RAB17: variants seen among roughly 807,000 people sequenced by gnomAD.
RAB17 encodes RAB17, member RAS oncogene family, also known as ras-related protein Rab-17.
A neutral mutation model predicts 19.3 loss-of-function variants in RAB17; 15 were observed. The ratio of observed to expected loss-of-function variants is 0.78; its 90% confidence interval spans 0.52 to 1.20. RAB17 has a LOEUF of 1.20. RAB17 is among the 50% of genes most tolerant of loss of function. The pLI is 0.00. For synonymous variants in RAB17, 110 were observed against 112.8 expected (o/e 0.97, Z 0.16); for missense variants, 262 against 269.3 (o/e 0.97, Z 0.19).
chr2:237,583,348 A>C (rs542649216), intron 2 of RAB17, among the ~76,000 whole-genome samples: 1 of 152,312 alleles, frequency 6.6e-6, no homozygotes, highest in South Asian at 2.1e-4. Context: ...CATAATGATA[A>C]TAATAAATTG....
At chr2:237,587,841 AAAAAAGAAAAG>A (rs1402605753) in intron 1 of RAB17, among the ~76,000 whole-genome samples, 1 of 136,368 alleles carries the variant, frequency 7.3e-6, no homozygotes, top group African/African-American at 3.3e-5. Flanking sequence ...TTAAAAAAAA[AAAAAAGAAAAG>A]AAAAAGAAAG....
Position 237,575,100 on chromosome 2 carries a change from C to T in RAB17, c.558G>A (p.Glu186=). 2 of 1,613,668 alleles carry T rather than the reference C, an allele frequency of 1.2e-6. No homozygotes were observed. Among genetic ancestry groups the T allele is most frequent in the Non-Finnish European group, 1.7e-6 (2 of 1,179,926 alleles). ...VAQELLQRSD[E]EGQALRGDAA... is the part of the protein sequence containing the mutation. ...CATCCCCCCGTAGAGCCTGGCCCTCCTCGTCGCTTCTCTGCAGTAGCTCTT... is the reference window on the plus strand; with the variant it reads ...CATCCCCCCGTAGAGCCTGGCCCTCTTCGTCGCTTCTCTGCAGTAGCTCTT... The change falls in exon 6 of 6, where the codon GAG becomes GAA. Residue 186 remains glutamate (E), a synonymous_variant. Transcript: ENST00000264601.
Position 237,586,208 on chromosome 2 carries a change from A to G in RAB17, c.-3-51T>C, listed in dbSNP as rs938327611. 6 of 1,529,720 alleles carry G rather than the reference A, an allele frequency of 3.9e-6. No homozygotes were observed. In the Admixed American group the frequency reaches 8.2e-5, roughly 21 times the overall value. The allele number at this position is 1,529,720 out of a possible 1,614,324, so 94.8% of individuals were successfully genotyped here. On this transcript the variant is annotated intron_variant, in intron 1 of 5. Transcript: ENST00000264601. ...GCAAGTGGAACATCGGAGCCACATC[A>G]TCTCAGCAAGCTCAACCCCGGGGCT...
In RAB17 at chr2:237,574,593, T is replaced by A; in HGVS notation, c.*426A>T. ...CTGGCACCACCACCTCCATCTGGCC[T>A]GCTCCCCAACCCCCCAGAAGCAGGT... On this transcript the variant is annotated 3_prime_UTR_variant, in exon 6 of 6. Coordinates refer to ENST00000264601, the MANE Select transcript of RAB17 (RefSeq NM_022449.4). The A allele has an allele frequency of 1.3e-6, 2 of 1,544,348 alleles. No individual in the cohort carries two copies. Among genetic ancestry groups the A allele is most frequent in the Non-Finnish European group, 1.7e-6 (2 of 1,143,536 alleles).
chr2:237,574,867 T>A lies in RAB17; in HGVS notation c.*152A>T. On this transcript the variant is annotated 3_prime_UTR_variant, in exon 6 of 6. Transcript: ENST00000264601. Reference sequence around the variant, plus strand: ...TCTTCCTCTGGCAGTTCCCACTGGCTGTGGGAAGTGGTTTTCATAAAGGGG... The same window carrying A: ...TCTTCCTCTGGCAGTTCCCACTGGCAGTGGGAAGTGGTTTTCATAAAGGGG... 1.2e-6 allele frequency: 1 copy of A among 806,280 alleles called. No homozygotes were observed. The highest frequency in any genetic ancestry group is 1.9e-6 in the Non-Finnish European group (1 of 538,386). The allele number at this position is 806,280 out of a possible 1,614,324, so 49.9% of individuals were successfully genotyped here. A position where few individuals can be genotyped will look rare whatever the true frequency, so the allele number is the denominator to read the frequency against.
Position 237,577,167 on chromosome 2 carries a change from G to A in RAB17, c.435+90C>T. On this transcript the variant is annotated intron_variant, in intron 4 of 5. Transcript: ENST00000264601. ...AGTGTGTGCGTGTGTGGGTGTGCGTGTATGAAAGTGTGAGTGCCAAGGTCT... is the reference window on the plus strand; with the variant it reads ...AGTGTGTGCGTGTGTGGGTGTGCGTATATGAAAGTGTGAGTGCCAAGGTCT... 3 of 1,485,350 alleles carry A rather than the reference G, an allele frequency of 2.0e-6. No homozygotes were observed. In the African/African-American group the frequency reaches 4.2e-5, roughly 21 times the overall value. 92.0% of individuals were successfully genotyped at this position (1,485,350 alleles called of 1,614,324 possible).
At chr2:237,590,410 C>G (rs2081386677) in intron 1 of RAB17, 57 bp downstream of exon 1, 1 of 152,404 alleles carries the variant, frequency 6.6e-6, no homozygotes, top group Non-Finnish European at 1.5e-5. Flanking sequence ...AGCAGAGACA[C>G]ACACACACAC....
Position 237,586,157 on chromosome 2 carries a change from C to A in RAB17, c.-3G>T. On this transcript the variant is annotated splice_region_variant and 5_prime_UTR_variant, in exon 2 of 6. Transcript: ENST00000264601. ...GGGGTCCTGTGTGCCTGTGCCATGC[C>A]CTGCAAAGAATCACAACCGTCTGAA... is the stretch of plus-strand genomic sequence containing the variant. 1.3e-6 allele frequency: 2 copies of A among 1,583,900 alleles called. No homozygotes were observed. The highest frequency in any genetic ancestry group is 1.7e-6 in the Non-Finnish European group (2 of 1,167,742).
At chr2:237,583,283 A>G (rs1193366666) in intron 2 of RAB17, among the ~76,000 whole-genome samples, 3 of 152,136 alleles carry the variant, frequency 2.0e-5, no homozygotes, top group South Asian at 2.1e-4. Flanking sequence ...GGTTCCAGTG[A>G]GACACTGCAC....
intron 4 of RAB17, 135 bp from the exon 5 acceptor site, chr2:237,575,615 T>A (rs1029075877): frequency 4.5e-6 from 3 of 671,228 alleles, no homozygotes; most frequent in Non-Finnish European, 2.6e-6. Flanking sequence ...GTGTCCAAGT[T>A]GTGTTTCTTG....
intron 2 of RAB17, 174 bp from the exon 3 acceptor site, chr2:237,578,329 G>A (rs185558777): frequency 4.9e-6 from 3 of 609,258 alleles, no homozygotes; most frequent in East Asian, 5.6e-5. Flanking sequence ...GGGAGATGGA[G>A]CCTTCCACAT....
intron 1 of RAB17, among the ~76,000 whole-genome samples, chr2:237,587,921 C>G (rs1420789697): frequency 2.6e-5 from 4 of 151,916 alleles, no homozygotes; most frequent in Admixed American, 6.6e-5. Flanking sequence ...CTAGGAATCA[C>G]TGCTAGAATT....
intron 2 of RAB17, 82 bp downstream of exon 2, chr2:237,585,916 G>A (rs763473200): frequency 7.0e-5 from 99 of 1,419,420 alleles, no homozygotes; most frequent in Non-Finnish European, 8.0e-5. Context: ...GGTGGGCCTC[G>A]TCCCCATCTG....
intron 1 of RAB17, 58 bp from the exon 2 acceptor site, chr2:237,586,215 C>T: frequency 5.3e-6 from 8 of 1,514,924 alleles, no homozygotes; most frequent in South Asian, 2.6e-5. Context: ...ATCATCTCAG[C>T]AAGCTCAACC....
intron 2 of RAB17, chr2:237,578,397 G>C (rs982695506): frequency 2.2e-6 from 1 of 450,064 alleles, no homozygotes; most frequent in Non-Finnish European, 4.0e-6. Flanking sequence ...TGGATGGGAA[G>C]ATAAATCTCT....
intron 2 of RAB17, among the ~76,000 whole-genome samples, chr2:237,581,373 T>TAA (rs78563937): frequency 2.0e-4 from 28 of 140,712 alleles, no homozygotes; most frequent in South Asian, 6.8e-4. Context: ...GACGCCATCT[T>TAA]AAAAAAAAAA....
Position 237,574,660 on chromosome 2 carries a change from T to C in RAB17, c.*359A>G. ...CCAGTGCCCCCATCAAGATCAGACG[T>C]AAGGCATCTTCCCACCGTCGCTGTG... On this transcript the variant is annotated 3_prime_UTR_variant, in exon 6 of 6. Transcript: ENST00000264601. 1 of 1,468,190 alleles carries C rather than the reference T, an allele frequency of 6.8e-7. No homozygotes were observed. The allele number at this position is 1,468,190 out of a possible 1,614,324, so 90.9% of individuals were successfully genotyped here.
intron 3 of RAB17, 129 bp from the exon 4 acceptor site, chr2:237,577,511 C>G: frequency 1.8e-6 from 2 of 1,096,990 alleles, no homozygotes; most frequent in Non-Finnish European, 1.3e-6. Context: ...GCCATGGGCG[C>G]ACCTGCAGGG....
rs1387244531 is a variant in RAB17, at chr2:237,577,410, A to G, written c.310-28T>C. Reference sequence around the variant, plus strand: ...AGAAAAGAAGAAAAAAAGTAACATCAAACAAAACTTATAGGTGGTCATTAG... The same window carrying G: ...AGAAAAGAAGAAAAAAAGTAACATCGAACAAAACTTATAGGTGGTCATTAG... On this transcript the variant is annotated intron_variant, in intron 3 of 5. Transcript: ENST00000264601. 3 of 1,587,928 alleles carry G rather than the reference A, an allele frequency of 1.9e-6. No homozygotes were observed. In the Admixed American group the frequency reaches 5.2e-5, roughly 28 times the overall value.
Sources: allele counts gnomAD v4.1 joint callset (sites outside exome capture counted in the v4.1 genomes callset), GRCh38; gene constraint gnomAD v4.1.1; transcripts MANE v1.5; gene names NCBI Gene and HGNC (gene_info 2026-07-23, HGNC 2026-07-21).